Variants in MED19 observed in about 807,000 individuals in gnomAD.
MED19 encodes the protein mediator complex subunit 19.
A neutral mutation model predicts 19.9 loss-of-function variants in MED19; 4 were observed. The ratio of observed to expected loss-of-function variants is 0.20; its 90% CI spans 0.10 to 0.46. The LOEUF (loss-of-function observed/expected upper bound fraction) is 0.46, where lower values mean the gene tolerates loss of function less well. Ranked by LOEUF, MED19 falls within the 20% of genes least tolerant of loss-of-function variation. The pLI is 0.99. For missense variants in MED19, 303 were observed against 318.7 expected, an observed-to-expected ratio of 0.95 and a Z score of 0.38; for synonymous variants, 139 against 119.6, an observed-to-expected ratio of 1.16 and a Z score of -1.06.
At chr11:57,709,215 C>T (rs1435324244) in intron 1 of MED19, among the ~76,000 whole-genome samples, 1 of 152,130 alleles carries the variant, frequency 6.6e-6, no homozygotes. Context: ...AACCCTGTCT[C>T]CACTAAAAAT....
chr11:57,711,327 A>C (rs1946593351), intron 1 of MED19, among the ~76,000 whole-genome samples: 2 of 152,156 alleles, frequency 1.3e-5, no homozygotes, highest in South Asian at 4.1e-4. Context: ...AAGATATTAA[A>C]TCAGGCCTCT....
At chr11:57,711,395 C>G (rs1946596782) in intron 1 of MED19, among the ~76,000 whole-genome samples, 1 of 152,222 alleles carries the variant, frequency 6.6e-6, no homozygotes, top group Admixed American at 6.5e-5. Context: ...CTCGTTCGCC[C>G]AGGCTGGAGT....
At chr11:57,709,390 A>C (rs1301604393) in intron 1 of MED19, among the ~76,000 whole-genome samples, 2 of 152,024 alleles carry the variant, frequency 1.3e-5, no homozygotes, top group East Asian at 3.8e-4. Context: ...TAAAAAAAAA[A>C]AAAAAAGAGG....
At chr11:57,705,431 C>G (rs992001590) in intron 1 of MED19, among the ~76,000 whole-genome samples, 1 of 152,108 alleles carries the variant, frequency 6.6e-6, no homozygotes, top group Non-Finnish European at 1.5e-5. Context: ...GCGGGTGGAT[C>G]ACCAGGTCAG....
Position 57,706,741 on chromosome 11 carries a change from C to A in MED19, c.218-1512G>T, listed in dbSNP as rs562258403. 4.1e-4 allele frequency among the ~76,000 whole-genome samples: 62 copies of A among 150,110 alleles called. 1 individual carries two copies. In the East Asian group the frequency reaches 0.011, roughly 28 times the overall value. ...GAGTGAGACCCTGTCTCAAAAAAAA[C>A]AAAACAAAACAAAACAACAAAAACA... On this transcript the variant is annotated intron_variant, in intron 1 of 4. Transcript: ENST00000431606.
chr11:57,709,258 G>C (rs932373755), intron 1 of MED19, among the ~76,000 whole-genome samples: 11 of 151,904 alleles, frequency 7.2e-5, no homozygotes, highest in Admixed American at 7.2e-4. Flanking sequence ...GCACATGCCT[G>C]TAATCCGAAC....
At chr11:57,705,611 G>A (rs1256284904) in intron 1 of MED19, among the ~76,000 whole-genome samples, 5 of 147,468 alleles carry the variant, frequency 3.4e-5, no homozygotes, top group East Asian at 2.0e-4. Context: ...CTGAGATTGC[G>A]CCACTGCACT....
intron 3 of MED19, 32 bp downstream of exon 3, chr11:57,704,687 T>TTC: frequency 6.4e-7 from 1 of 1,572,334 alleles, no homozygotes; most frequent in East Asian, 2.2e-5. Flanking sequence ...TTTTTTTTTT[T>TTC]TTTTTTTGCT....
At chr11:57,708,417 C>T (rs1006623711) in intron 1 of MED19, among the ~76,000 whole-genome samples, 1 of 152,052 alleles carries the variant, frequency 6.6e-6, no homozygotes, top group Non-Finnish European at 1.5e-5. Flanking sequence ...ATCTCCTTAT[C>T]GCCTCAAAAA....
At chr11:57,711,077 T>A (rs1359722943) in intron 1 of MED19, among the ~76,000 whole-genome samples, 2 of 152,238 alleles carry the variant, frequency 1.3e-5, no homozygotes, top group East Asian at 3.8e-4. Flanking sequence ...CACTGAAATG[T>A]ACATCCCAAA....
chr11:57,707,478 G>A (rs921938932), intron 1 of MED19, among the ~76,000 whole-genome samples: 13 of 152,120 alleles, frequency 8.5e-5, no homozygotes, highest in Admixed American at 3.9e-4. Context: ...TTCATGTATC[G>A]CTAGTGCCCA....
At chr11:57,710,338 G>A (rs1321169628) in intron 1 of MED19, among the ~76,000 whole-genome samples, 1 of 152,118 alleles carries the variant, frequency 6.6e-6, no homozygotes, top group African/African-American at 2.4e-5. Flanking sequence ...GTCCAGCCTG[G>A]GTGACACAGT....
At chr11:57,706,657 T>C (rs1348776071) in intron 1 of MED19, among the ~76,000 whole-genome samples, 1 of 151,704 alleles carries the variant, frequency 6.6e-6, no homozygotes, top group East Asian at 2.0e-4. Context: ...CTGTAATCCC[T>C]GCGAGGCGGA....
At chr11:57,704,746 T>C (rs112806908) in exon 3 of MED19, 1 of 1,569,158 alleles carries the variant, frequency 6.4e-7, no homozygotes, top group Non-Finnish European at 8.7e-7. Flanking sequence ...TGGGTACGGC[T>C]CTGTTTGTGC....
intron 3 of MED19, 27 bp downstream of exon 3, chr11:57,704,692 T>TTTTTTTTTTA: frequency 6.3e-7 from 1 of 1,580,394 alleles, no homozygotes. Context: ...TTTTTTTTTT[T>TTTTTTTTTTA]TTGCTTTGAA....
intron 1 of MED19, among the ~76,000 whole-genome samples, chr11:57,705,928 G>A (rs189163941): frequency 2.6e-5 from 4 of 151,778 alleles, no homozygotes; most frequent in Admixed American, 1.3e-4. Context: ...ATACGACCTT[G>A]CAGCTCAGCT....
At chr11:57,708,352 T>TG (rs1242286045) in intron 1 of MED19, among the ~76,000 whole-genome samples, 1 of 152,160 alleles carries the variant, frequency 6.6e-6, no homozygotes, top group East Asian at 1.9e-4. Flanking sequence ...AACTTAGCTT[T>TG]GGGGCCTCAT....
chr11:57,709,550 T>A (rs1261538827), intron 1 of MED19, among the ~76,000 whole-genome samples: 1 of 152,104 alleles, frequency 6.6e-6, no homozygotes, highest in African/African-American at 2.4e-5. Context: ...TTCCTTCACT[T>A]CTATATACAA....
At position 57,704,669 on chromosome 11, in the gene MED19, GTTTTTTTTT is replaced by G. The variant is rs34198151; in HGVS notation, c.571+41_571+49del. On this transcript the variant is annotated intron_variant, in intron 3 of 4. Transcript: ENST00000431606. The stretch of plus-strand genomic sequence containing the variant: ...GTTCAAACCAGATTCAGAAGGTCAG[GTTTTTTTTT>G]TTTTTTTTTTTTTTTTGCTTTGAAT... 33 of 1,287,750 alleles carry G rather than the reference GTTTTTTTTT, an allele frequency of 2.6e-5. No homozygotes were observed. In the East Asian group the frequency reaches 2.7e-4, roughly 11 times the overall value. 79.8% of individuals were successfully genotyped at this position (1,287,750 alleles called of 1,614,324 possible).
Sources: allele counts gnomAD v4.1 joint callset (sites outside exome capture counted in the v4.1 genomes callset), GRCh38; gene constraint gnomAD v4.1.1; transcripts MANE v1.5; gene names NCBI Gene and HGNC (gene_info 2026-07-23, HGNC 2026-07-21).